The following FOCAD variants were observed in gnomAD, a reference collection of about 807,000 sequenced individuals.
The protein encoded by FOCAD is KIAA1797.
Under a neutral mutation model 225.6 loss-of-function variants are expected in FOCAD, and 198 were observed. The observed-to-expected ratio is 0.88, with a 90% CI of 0.78 to 0.99. The LOEUF is 0.99. Ranked by LOEUF, FOCAD falls within the 50% of genes least tolerant of loss-of-function variation. The pLI is 0.00. For missense variants in FOCAD, 2,713 were observed against 2,123.6 expected, an observed-to-expected ratio of 1.28 and a Z score of -5.46; for synonymous variants, 897 against 755.0, an observed-to-expected ratio of 1.19 and a Z score of -3.08.
intron 11 of FOCAD, among the ~76,000 whole-genome samples, chr9:20,806,576 C>G (rs1047122586): frequency 2.0e-5 from 3 of 152,150 alleles, no homozygotes; most frequent in Admixed American, 6.6e-5. Flanking sequence ...AGATCCCACC[C>G]AACCTTTAAT....
intron 15 of FOCAD, among the ~76,000 whole-genome samples, chr9:20,837,685 A>T (rs1056498155): frequency 7.9e-5 from 12 of 152,132 alleles, no homozygotes; most frequent in African/African-American, 2.9e-4. Context: ...TTATGTTTGT[A>T]CAAGAATTAT....
rs1019682433 is a variant in FOCAD at position 20,916,779 on chromosome 9, A to G, written c.2808-114A>G. ...CACCTTATACTGAAATTCTACCTGT[A>G]TAGTTTTAAGATCTGGAGCCATTGC... On this transcript the variant is annotated intron_variant, in intron 23 of 43. Coordinates refer to ENST00000338382, the MANE Select transcript of FOCAD (RefSeq NM_001375567.1). 7 of 892,444 alleles carry G rather than the reference A, an allele frequency of 7.8e-6. No individual in the cohort carries two copies. The African/African-American group carries it at 1.0e-4, about 13-fold the overall frequency. The allele number at this position is 892,444 out of a possible 1,614,324, so 55.3% of individuals were successfully genotyped here.
At chr9:20,814,353 CTTTTTTT>C (rs1208088643) in intron 11 of FOCAD, among the ~76,000 whole-genome samples, 1 of 150,204 alleles carries the variant, frequency 6.7e-6, no homozygotes, top group Non-Finnish European at 1.5e-5. Context: ...TTTCTTTTTT[CTTTTTTT>C]CTTTTTTTTT....
chr9:20,823,418 A>T (rs1270103444), intron 15 of FOCAD, among the ~76,000 whole-genome samples: 1 of 152,072 alleles, frequency 6.6e-6, no homozygotes, highest in African/African-American at 2.4e-5. Flanking sequence ...GAACTCTAGA[A>T]TATAGTTGCT....
At chr9:20,662,890 T>G (rs1821776724) in intron 2 of FOCAD, among the ~76,000 whole-genome samples, 1 of 152,212 alleles carries the variant, frequency 6.6e-6, no homozygotes, top group Admixed American at 6.5e-5. Flanking sequence ...AATCAAGACA[T>G]TTAAACTTAA....
At chr9:20,982,525 T>C in intron 39 of FOCAD, 79 bp downstream of exon 39, 2 of 1,192,898 alleles carry the variant, frequency 1.7e-6, no homozygotes, top group Non-Finnish European at 1.2e-6. Flanking sequence ...AGTGTTTGGC[T>C]GAAGCAAGTT....
upstream of FOCAD, among the ~76,000 whole-genome samples, chr9:20,657,219 T>C (rs1821517480): frequency 6.7e-6 from 1 of 149,946 alleles, no homozygotes; most frequent in Admixed American, 6.7e-5. Context: ...CATTTTTTCC[T>C]TCATTTCAAC....
chr9:20,662,770 C>T (rs1461023770), intron 2 of FOCAD, among the ~76,000 whole-genome samples: 2 of 152,102 alleles, frequency 1.3e-5, no homozygotes, highest in Non-Finnish European at 2.9e-5. Context: ...CCCTGATAAA[C>T]GTCTTGCAAC....
intron 5 of FOCAD, among the ~76,000 whole-genome samples, chr9:20,742,876 C>T (rs576342621): frequency 1.1e-4 from 17 of 152,210 alleles, no homozygotes; most frequent in Admixed American, 9.2e-4. Context: ...TCTTTAGATA[C>T]GTGGCACATT....
At chr9:20,854,794 G>A (rs1165480742) in intron 15 of FOCAD, among the ~76,000 whole-genome samples, 17 of 151,710 alleles carry the variant, frequency 1.1e-4, no homozygotes, top group Non-Finnish European at 3.0e-5. Context: ...ATATGTGGAT[G>A]ATTTCTAGGT....
chr9:20,821,929 G>C (rs989366820), intron 14 of FOCAD, among the ~76,000 whole-genome samples: 2 of 124,096 alleles, frequency 1.6e-5, no homozygotes, highest in Admixed American at 1.9e-4. Flanking sequence ...CTAAGCCCTA[G>C]CATTTTTACC....
chr9:20,769,975 A>G (rs1462321553), intron 7 of FOCAD, 57 bp from the exon 8 acceptor site: 1 of 1,481,472 alleles, frequency 6.8e-7, no homozygotes, highest in Non-Finnish European at 9.3e-7. Flanking sequence ...TGTGTACTTT[A>G]AAATTATCTT....
intron 35 of FOCAD, among the ~76,000 whole-genome samples, chr9:20,971,533 G>A (rs890942764): frequency 1.3e-5 from 2 of 151,762 alleles, no homozygotes; most frequent in African/African-American, 4.8e-5. Context: ...TTCACCTCCC[G>A]GGTTCAAGCA....
intron 16 of FOCAD, 127 bp from the exon 17 acceptor site, chr9:20,865,799 A>G (rs1829177016): frequency 1.6e-6 from 1 of 615,096 alleles, no homozygotes. Context: ...GTGAATACAC[A>G]TTAAGTGAAT....
In FOCAD at chr9:20,684,291, G is replaced by T. The variant is rs1423722704; in HGVS notation, c.-35G>T. The stretch of plus-strand genomic sequence containing the variant: ...GCTGGGCTGAGCTTGTGGCAGAAGG[G>T]AGGTAAGCCGTGCGGGGCGGCGGGC... On this transcript the variant is annotated splice_region_variant and 5_prime_UTR_variant, in exon 1 of 44. Transcript: ENST00000338382. The T allele has an allele frequency of 6.6e-6, 1 of 152,280 alleles. No homozygotes were observed. The highest frequency in any genetic ancestry group is 1.9e-4 in the East Asian group (1 of 5,208). The allele number at this position is 152,280 out of a possible 1,614,324, so 9.4% of individuals were successfully genotyped here. A position where few individuals can be genotyped will look rare whatever the true frequency, so the allele number is the denominator to read the frequency against.
intron 21 of FOCAD, among the ~76,000 whole-genome samples, chr9:20,897,229 A>T (rs1832165449): frequency 6.6e-6 from 1 of 151,678 alleles, no homozygotes; most frequent in African/African-American, 2.4e-5. Context: ...TCTTTTGATT[A>T]ATGTTAGCAT....
chr9:20,993,970 T>C (rs1045632932), intron 43 of FOCAD, among the ~76,000 whole-genome samples: 2 of 152,248 alleles, frequency 1.3e-5, no homozygotes, highest in African/African-American at 4.8e-5. Context: ...TGACAATTTT[T>C]ATATTTTCCA....
At chr9:20,710,818 G>A (rs1357945657) in intron 1 of FOCAD, among the ~76,000 whole-genome samples, 1 of 152,128 alleles carries the variant, frequency 6.6e-6, no homozygotes, top group Non-Finnish European at 1.5e-5. Flanking sequence ...AGCTGCCTGG[G>A]AGCACAGGGC....
At chr9:20,945,399 A>G (rs1455997098) in intron 29 of FOCAD, among the ~76,000 whole-genome samples, 1 of 152,222 alleles carries the variant, frequency 6.6e-6, no homozygotes, top group East Asian at 1.9e-4. Flanking sequence ...GGAGCAGGGT[A>G]TGACCTCGTG....
Sources: allele counts gnomAD v4.1 joint callset (sites outside exome capture counted in the v4.1 genomes callset), GRCh38; gene constraint gnomAD v4.1.1; transcripts MANE v1.5; gene names NCBI Gene and HGNC (gene_info 2026-07-23, HGNC 2026-07-21).